Variants in PLA2G4C observed in about 807,000 individuals in gnomAD.
The protein encoded by PLA2G4C is phospholipase A2 group IVC.
In PLA2G4C, 64 loss-of-function variants were observed where a neutral mutation model predicts 73.8. The ratio of observed to expected loss-of-function variants is 0.87; its 90% CI spans 0.71 to 1.07. PLA2G4C has a LOEUF of 1.07. Ranked by LOEUF, PLA2G4C falls within the 50% of genes least tolerant of loss-of-function variation. PLA2G4C has a pLI of 0.00. For missense variants in PLA2G4C, 622 were observed against 665.4 expected (o/e 0.93, Z 0.72); for synonymous variants, 254 against 252.1 (o/e 1.01, Z -0.07).
At chr19:48,061,879 C>T in intron 14 of PLA2G4C, 119 bp downstream of exon 14, 1 of 1,030,110 alleles carries the variant, frequency 9.7e-7, no homozygotes. Flanking sequence ...CTCTGGACTT[C>T]CCAGCCAGCA....
chr19:48,100,804 C>T (rs1400718050), intron 4 of PLA2G4C, among the ~76,000 whole-genome samples: 1 of 148,536 alleles, frequency 6.7e-6, no homozygotes, highest in Non-Finnish European at 1.5e-5. Context: ...GTCCTAGCTA[C>T]TCGAGAGGCT....
At chr19:48,083,700 G>A (rs1314404475) in intron 10 of PLA2G4C, among the ~76,000 whole-genome samples, 1 of 151,908 alleles carries the variant, frequency 6.6e-6, no homozygotes, top group Non-Finnish European at 1.5e-5. Context: ...GCCCACCTCA[G>A]CCTCCCAAAG....
rs552606545 is a variant in PLA2G4C at position 48,088,895 on chromosome 19, G to A, written c.764-183C>T. On this transcript the variant is annotated intron_variant, in intron 8 of 16. Coordinates refer to ENST00000599921, the MANE Select transcript of PLA2G4C (RefSeq NM_003706.3). Reference sequence around the variant, plus strand: ...CCTCTCTTCCAACTCTGTGCTCAGTGACCTCATGTTGGTAGCCTGAAGTTG... The same window carrying A: ...CCTCTCTTCCAACTCTGTGCTCAGTAACCTCATGTTGGTAGCCTGAAGTTG... Among the ~76,000 whole-genome samples, 5 of 152,336 alleles carry A rather than the reference G, an allele frequency of 3.3e-5. No individual in the cohort carries two copies. In the East Asian group the frequency reaches 9.6e-4, roughly 29 times the overall value.
At position 48,110,789 on chromosome 19, in the gene PLA2G4C, C is replaced by A; in HGVS notation, c.-335G>T. On this transcript the variant is annotated 5_prime_UTR_variant, in exon 1 of 17. Coordinates refer to ENST00000599921, the MANE Select transcript of PLA2G4C (RefSeq NM_003706.3). ...AAACAGCCCTCCTCGGCTTGTAGGCCCTGCTTGGTTGCTCCAGCTTTTTCA... is the reference window on the plus strand; with the variant it reads ...AAACAGCCCTCCTCGGCTTGTAGGCACTGCTTGGTTGCTCCAGCTTTTTCA... 2.6e-6 allele frequency: 1 copy of A among 377,450 alleles called. No individual in the cohort carries two copies. The highest frequency in any genetic ancestry group is 4.1e-5 in the East Asian group (1 of 24,440). 23.4% of individuals were successfully genotyped at this position (377,450 alleles called of 1,614,324 possible). A position where few individuals can be genotyped will look rare whatever the true frequency, so the allele number is the denominator to read the frequency against.
rs118010657 is a variant in PLA2G4C at position 48,105,788 on chromosome 19, C to T, written c.9-344G>A. ...CAGCCTGGCCAACATGGTGACATACCTCCCTCCCTCCCTCCCTCCCTCCCC... is the reference window on the plus strand; with the variant it reads ...CAGCCTGGCCAACATGGTGACATACTTCCCTCCCTCCCTCCCTCCCTCCCC... On this transcript the variant is annotated intron_variant, in intron 2 of 16. Transcript: ENST00000599921. 3.4e-3 allele frequency among the ~76,000 whole-genome samples: 387 copies of T among 112,376 alleles called. 14 individuals carry two copies. In the East Asian group the frequency reaches 0.06, roughly 17 times the overall value. 73.7% of individuals were successfully genotyped at this position (112,376 alleles called of 152,430 possible).
At chr19:48,107,905 G>C (rs1020679086) in intron 1 of PLA2G4C, among the ~76,000 whole-genome samples, 1 of 152,102 alleles carries the variant, frequency 6.6e-6, no homozygotes. Context: ...CTACGCCTTG[G>C]CTACCTAACA....
intron 11 of PLA2G4C, among the ~76,000 whole-genome samples, chr19:48,076,726 C>A (rs376847457): frequency 1.2e-4 from 18 of 147,880 alleles, no homozygotes; most frequent in East Asian, 5.9e-4. Context: ...CTGGGTGACA[C>A]GGCTAGACTC....
intron 13 of PLA2G4C, 122 bp downstream of exon 13, chr19:48,067,669 A>AC (rs1273232981): frequency 4.1e-6 from 3 of 734,392 alleles, no homozygotes; most frequent in East Asian, 2.5e-5. Context: ...CTTTGACACC[A>AC]CCCCCCTCCA....
chr19:48,103,424 C>T (rs1175473876), intron 4 of PLA2G4C: 1 of 152,536 alleles, frequency 6.6e-6, no homozygotes, highest in Non-Finnish European at 1.5e-5. Flanking sequence ...TCCTCCACAT[C>T]CAGCTCAGAA....
chr19:48,087,626 CTTCTGCCTG>C (rs2031055045), intron 9 of PLA2G4C, among the ~76,000 whole-genome samples: 1 of 152,122 alleles, frequency 6.6e-6, no homozygotes, highest in Non-Finnish European at 1.5e-5. Context: ...GGCTCCAACC[CTTCTGCCTG>C]ATAAGACCAC....
At chr19:48,096,956 G>C (rs1034072625) in intron 6 of PLA2G4C, 1 of 152,114 alleles carries the variant, frequency 6.6e-6, no homozygotes, top group Non-Finnish European at 1.5e-5. Flanking sequence ...AGGAGTTCGA[G>C]ACCAGCCTGA....
At chr19:48,053,448 T>G (rs2122427387) in intron 15 of PLA2G4C, among the ~76,000 whole-genome samples, 1 of 150,392 alleles carries the variant, frequency 6.6e-6, no homozygotes, top group African/African-American at 2.5e-5. Context: ...TGGGTGACTG[T>G]AACCTCCACC....
chr19:48,062,597 G>A (rs545082279), intron 13 of PLA2G4C, among the ~76,000 whole-genome samples: 34 of 152,258 alleles, frequency 2.2e-4, no homozygotes, highest in African/African-American at 6.0e-4. Context: ...GTGACAGAGC[G>A]AGACTCTATC....
At chr19:48,090,190 A>C in intron 8 of PLA2G4C, 174 bp downstream of exon 8, 1 of 612,660 alleles carries the variant, frequency 1.6e-6, no homozygotes, top group Non-Finnish European at 2.9e-6. Context: ...CTGTACTCTC[A>C]TCCACTCTGT....
intron 14 of PLA2G4C, 103 bp downstream of exon 14, chr19:48,061,895 C>T (rs1968190762): frequency 1.8e-5 from 21 of 1,184,448 alleles, no homozygotes; most frequent in Non-Finnish European, 2.6e-5. Context: ...CAGCACCTCC[C>T]CATTGCCCGC....
chr19:48,103,059 G>T (rs903127906), intron 4 of PLA2G4C, among the ~76,000 whole-genome samples: 1 of 152,178 alleles, frequency 6.6e-6, no homozygotes, highest in Non-Finnish European at 1.5e-5. Flanking sequence ...TGTTTGTAGA[G>T]ATGGGGTCTT....
chr19:48,075,958 A>C (rs1336113316), intron 11 of PLA2G4C, among the ~76,000 whole-genome samples: 1 of 152,202 alleles, frequency 6.6e-6, no homozygotes, highest in Non-Finnish European at 1.5e-5. Context: ...GTCAAAAAAC[A>C]ACATTAAAGC....
At position 48,090,382 on chromosome 19, in the gene PLA2G4C, T is replaced by G. The variant is rs140118627; in HGVS notation, c.745A>C (p.Ile249Leu). ...TACTCACCAAAAATGTATTCCCTAA[T>G]GACTTCAGTGTTACCAAGAGCACTT... ...WGSALGNTEV[I>L]REYIFDQLRN... The change falls in exon 8 of 17, where the codon ATT (isoleucine) becomes CTT (leucine). Residue 249 changes from isoleucine to leucine, a missense_variant. By Grantham distance (5) the Ile-to-Leu change is conservative (BLOSUM62 2). Coordinates refer to ENST00000599921, the MANE Select transcript of PLA2G4C (RefSeq NM_003706.3). The G allele has an allele frequency of 1.5e-3, 2,384 of 1,612,268 alleles. 5 individuals are homozygous for G. The highest frequency in any genetic ancestry group is 1.7e-3 in the Non-Finnish European group (2,022 of 1,178,290).
At chr19:48,107,995 G>A (rs1568459469) in intron 1 of PLA2G4C, among the ~76,000 whole-genome samples, 1 of 152,000 alleles carries the variant, frequency 6.6e-6, no homozygotes, top group Non-Finnish European at 1.5e-5. Flanking sequence ...TCCTTACTCT[G>A]CCCCTTATTA....
Sources: allele counts gnomAD v4.1 joint callset (sites outside exome capture counted in the v4.1 genomes callset), GRCh38; gene constraint gnomAD v4.1.1; transcripts MANE v1.5; gene names NCBI Gene and HGNC (gene_info 2026-07-23, HGNC 2026-07-21).